The following LRBA variants were observed in gnomAD, a reference collection of about 807,000 sequenced individuals.
LRBA encodes LPS responsive beige-like anchor protein, also known as lipopolysaccharide-responsive and beige-like anchor protein.
A neutral mutation model predicts 330.0 loss-of-function variants in LRBA; 176 were observed. The observed-to-expected ratio is 0.53, with a 90% CI of 0.47 to 0.60. The LOEUF is 0.60. Among genes scored for constraint, LRBA ranks in the 20% least tolerant of loss-of-function variants. The pLI, the probability that LRBA is intolerant of heterozygous loss-of-function variation, is 0.00. For synonymous variants in LRBA, 1,230 were observed against 1,193.0 expected (o/e 1.03, Z -0.64); for missense variants, 3,259 against 3,444.8 (o/e 0.95, Z 1.35).
chr4:150,615,591 A>G (rs1203328171), intron 37 of LRBA, among the ~76,000 whole-genome samples: 5 of 152,168 alleles, frequency 3.3e-5, no homozygotes, highest in Non-Finnish European at 7.4e-5. Flanking sequence ...TGAGAAAATA[A>G]AAGAACTGAC....
intron 38 of LRBA, among the ~76,000 whole-genome samples, chr4:150,592,144 GTTTTTTTTTTT>G (rs10685627): frequency 2.9e-4 from 19 of 65,190 alleles, no homozygotes; most frequent in East Asian, 6.4e-4. Context: ...GATGGCTAGG[GTTTTTTTTTTT>G]TTTTTTTTTT....
At chr4:150,715,547 T>C (rs1246572026) in intron 36 of LRBA, among the ~76,000 whole-genome samples, 3 of 152,238 alleles carry the variant, frequency 2.0e-5, no homozygotes. Context: ...ACATTTAATA[T>C]TTCACATAAA....
intron 2 of LRBA, among the ~76,000 whole-genome samples, chr4:151,002,195 G>GAAAAAAAAAAAAAAA (rs1743433051): frequency 3.8e-4 from 3 of 7,840 alleles, no homozygotes; most frequent in African/African-American, 3.8e-4. Flanking sequence ...ACATAAAACA[G>GAAAAAAAAAAAAAAA]CAAAAAAAAA....
chr4:150,622,695 T>C (rs1776422787), intron 37 of LRBA, among the ~76,000 whole-genome samples: 1 of 7,136 alleles, frequency 1.4e-4, no homozygotes, highest in African/African-American at 1.6e-4. Flanking sequence ...AATCTTTTTT[T>C]TTTTTTTTTT....
intron 2 of LRBA, among the ~76,000 whole-genome samples, chr4:150,934,320 T>C (rs781601648): frequency 1.3e-5 from 2 of 152,186 alleles, no homozygotes; most frequent in South Asian, 2.1e-4. Flanking sequence ...TTGAGGCACA[T>C]TGGCTAGCTA....
chr4:150,436,724 T>A lies in LRBA; in HGVS notation c.6921A>T (p.Ile2307=). Reference sequence around the variant, plus strand: ...GGTGTATTATTCAAATTGAACTTACTATTCTTAGCAGCCATGCAAGAACAA... The same window carrying A: ...GGTGTATTATTCAAATTGAACTTACAATTCTTAGCAGCCATGCAAGAACAA... ...ASFVLAWLLR[I]EPFTTYFLNL... Residue 2307 remains isoleucine, a splice_region_variant and synonymous_variant, in exon 45 of 57, where the codon ATA becomes ATT. Coordinates refer to ENST00000651943, the MANE Select transcript of LRBA (RefSeq NM_001364905.1). 1 of 1,610,890 alleles carries A rather than the reference T, an allele frequency of 6.2e-7. No individual in the cohort carries two copies. Among genetic ancestry groups the A allele is most frequent in the Non-Finnish European group, 8.5e-7 (1 of 1,177,908 alleles).
chr4:150,420,380 C>T (rs1748523806), intron 46 of LRBA, among the ~76,000 whole-genome samples: 2 of 129,536 alleles, frequency 1.5e-5, no homozygotes, highest in South Asian at 2.4e-4. Context: ...ATATAATACA[C>T]ATTATAGTAT....
intron 37 of LRBA, among the ~76,000 whole-genome samples, chr4:150,661,358 G>A (rs999234970): frequency 3.3e-5 from 5 of 151,136 alleles, no homozygotes; most frequent in African/African-American, 1.2e-4. Context: ...CTATTCAGGA[G>A]GCTGAGGCGG....
At chr4:150,518,266 C>T (rs1404549620) in intron 40 of LRBA, among the ~76,000 whole-genome samples, 1 of 152,112 alleles carries the variant, frequency 6.6e-6, no homozygotes, top group African/African-American at 2.4e-5. Context: ...GTAGTGTAGA[C>T]AGTGTGGATA....
chr4:150,517,247 C>A (rs935723032), intron 40 of LRBA, among the ~76,000 whole-genome samples: 1 of 152,102 alleles, frequency 6.6e-6, no homozygotes, highest in Non-Finnish European at 1.5e-5. Flanking sequence ...TGTTGCCAGG[C>A]ACAGCGGCTC....
At chr4:150,589,070 C>CAGAG (rs773769994) in intron 39 of LRBA, among the ~76,000 whole-genome samples, 19 of 146,434 alleles carry the variant, frequency 1.3e-4, no homozygotes, top group African/African-American at 4.5e-4. Flanking sequence ...CACACACACA[C>CAGAG]ACAGAGAGAG....
intron 35 of LRBA, among the ~76,000 whole-genome samples, chr4:150,742,115 G>A (rs538337192): frequency 6.8e-4 from 101 of 148,244 alleles, no homozygotes; most frequent in Non-Finnish European, 1.1e-3. Context: ...GGCAGGGATA[G>A]AATTATTATT....
rs1732271422 is a variant in LRBA, at chr4:150,743,395, C to T, written c.5646-8029G>A. On this transcript the variant is annotated intron_variant, in intron 35 of 56. Coordinates refer to ENST00000651943, the MANE Select transcript of LRBA (RefSeq NM_001364905.1). ...TATGAAAGTGAGAATCTTAAAGAATCAAAATATACAATCATATAAGTAGAT... is the reference window on the plus strand; with the variant it reads ...TATGAAAGTGAGAATCTTAAAGAATTAAAATATACAATCATATAAGTAGAT... Among the ~76,000 whole-genome samples the T allele has an allele frequency of 2.0e-5, 3 of 152,116 alleles. No homozygotes were observed. The South Asian group carries it at 6.2e-4, about 32-fold the overall frequency.
chr4:150,337,912 C>T (rs963059306), intron 48 of LRBA, among the ~76,000 whole-genome samples: 1 of 152,142 alleles, frequency 6.6e-6, no homozygotes, highest in African/African-American at 2.4e-5. Context: ...GAAAGATTCA[C>T]TGCAGCCAGT....
intron 40 of LRBA, among the ~76,000 whole-genome samples, chr4:150,510,044 G>A (rs1479137089): frequency 6.6e-6 from 1 of 152,194 alleles, no homozygotes; most frequent in Non-Finnish European, 1.5e-5. Flanking sequence ...GCTGAGGCAG[G>A]AGAATTGCTT....
intron 17 of LRBA, among the ~76,000 whole-genome samples, chr4:150,889,939 T>C (rs1171474340): frequency 6.6e-6 from 1 of 151,832 alleles, no homozygotes; most frequent in African/African-American, 2.4e-5. Flanking sequence ...AGACAAATCA[T>C]TATAGAAGAG....
chr4:150,796,455 GT>G (rs1183669284), intron 34 of LRBA, among the ~76,000 whole-genome samples: 1 of 151,886 alleles, frequency 6.6e-6, no homozygotes, highest in Non-Finnish European at 1.5e-5. Flanking sequence ...CACAAAAAAT[GT>G]TAAGGACTTC....
At chr4:150,536,938 C>A (rs1038867512) in intron 40 of LRBA, among the ~76,000 whole-genome samples, 1 of 152,130 alleles carries the variant, frequency 6.6e-6, no homozygotes, top group African/African-American at 2.4e-5. Context: ...CACTATTTCT[C>A]TCAAACTACC....
At chr4:150,971,949 G>A (rs1396906763) in intron 2 of LRBA, among the ~76,000 whole-genome samples, 1 of 152,090 alleles carries the variant, frequency 6.6e-6, no homozygotes, top group African/African-American at 2.4e-5. Context: ...GAGAAAAAAT[G>A]CATAAATGTA....
Sources: allele counts gnomAD v4.1 joint callset (sites outside exome capture counted in the v4.1 genomes callset), GRCh38; gene constraint gnomAD v4.1.1; transcripts MANE v1.5; gene names NCBI Gene and HGNC (gene_info 2026-07-23, HGNC 2026-07-21).